Variants in CGAS observed in about 807,000 individuals in gnomAD.
The protein encoded by CGAS is cyclic GMP-AMP synthase.
In CGAS, 31 loss-of-function variants were observed where a neutral mutation model predicts 34.0. That is an observed-to-expected ratio of 0.91 (90% CI 0.69 to 1.23). The LOEUF is 1.23. CGAS is among the 50% of genes most tolerant of loss of function. CGAS has a pLI of 0.00. For missense variants in CGAS, 597 were observed against 657.6 expected, an observed-to-expected ratio of 0.91 and a Z score of 1.01; for synonymous variants, 266 against 260.0, an observed-to-expected ratio of 1.02 and a Z score of -0.22.
chr6:73,452,236 G>A lies in CGAS; in HGVS notation c.-55C>T. The A allele has an allele frequency of 6.5e-7, 1 of 1,528,324 alleles. No individual in the cohort carries two copies. Among genetic ancestry groups the A allele is most frequent in the Non-Finnish European group, 8.8e-7 (1 of 1,137,278 alleles). 94.7% of individuals were successfully genotyped at this position (1,528,324 alleles called of 1,614,324 possible). A position where few individuals can be genotyped will look rare whatever the true frequency, so the allele number is the denominator to read the frequency against. On this transcript the variant is annotated 5_prime_UTR_variant, in exon 1 of 5. Transcript: ENST00000370315. Reference sequence around the variant, plus strand: ...AATCCGTTTCAGGAAAAGGCCGCAAGAGGAAGAGCCAGCAGCAGCTGTTGG... The same window carrying A: ...AATCCGTTTCAGGAAAAGGCCGCAAAAGGAAGAGCCAGCAGCAGCTGTTGG...
chr6:73,433,347 G>A (rs997530067), intron 3 of CGAS, among the ~76,000 whole-genome samples: 1 of 149,908 alleles, frequency 6.7e-6, no homozygotes, highest in Admixed American at 6.7e-5. Context: ...CTGTAACCTC[G>A]AACTCCTGAG....
intron 3 of CGAS, among the ~76,000 whole-genome samples, chr6:73,429,782 C>T (rs923026476): frequency 3.3e-5 from 5 of 151,840 alleles, no homozygotes; most frequent in African/African-American, 4.8e-5. Context: ...GCGGAGATCG[C>T]GCCACTGCAC....
At chr6:73,447,042 C>T (rs894999410) in intron 1 of CGAS, among the ~76,000 whole-genome samples, 25 of 152,200 alleles carry the variant, frequency 1.6e-4, no homozygotes, top group African/African-American at 4.3e-4. Flanking sequence ...GGCGACAGTG[C>T]GAGACTCCGT....
At chr6:73,449,998 AAAAGAAG>A (rs1409368708) in intron 1 of CGAS, among the ~76,000 whole-genome samples, 1 of 151,956 alleles carries the variant, frequency 6.6e-6, no homozygotes, top group East Asian at 1.9e-4. Flanking sequence ...CTCCATCAAA[AAAAGAAG>A]AAAGAAGAAA....
At chr6:73,441,757 CA>C (rs1481098730) in intron 2 of CGAS, among the ~76,000 whole-genome samples, 1 of 152,188 alleles carries the variant, frequency 6.6e-6, no homozygotes, top group Non-Finnish European at 1.5e-5. Context: ...AAGACTTCCA[CA>C]GTGACGAAGT....
intron 3 of CGAS, among the ~76,000 whole-genome samples, chr6:73,433,635 C>T (rs1317592578): frequency 6.6e-6 from 1 of 151,942 alleles, no homozygotes; most frequent in Non-Finnish European, 1.5e-5. Flanking sequence ...ACTACAGGCA[C>T]GTGCCACCAT....
At chr6:73,443,615 A>T (rs1770420505) in intron 2 of CGAS, among the ~76,000 whole-genome samples, 1 of 152,106 alleles carries the variant, frequency 6.6e-6, no homozygotes. Context: ...CATCTCCCAC[A>T]TTCCTGATCC....
rs759020762 is a variant in CGAS at position 73,451,705 on chromosome 6, C to G, written c.477G>C (p.Ala159=). Residue 159 remains alanine (A), a synonymous_variant, in exon 1 of 5, where the codon GCG becomes GCC. Coordinates refer to ENST00000370315, the MANE Select transcript of CGAS (RefSeq NM_138441.3). The part of the protein sequence containing the change: ...SAPILVRRDA[A]PGASKLRAVL... ...CCGCCCGGAGCTTCGAGGCCCCAGG[C>G]GCCGCATCCCTCCGTACGAGAATGG... is the stretch of plus-strand genomic sequence containing the variant. The G allele has an allele frequency of 1.2e-6, 2 of 1,613,716 alleles. No individual in the cohort carries two copies. Among genetic ancestry groups the G allele is most frequent in the East Asian group, 2.2e-5 (1 of 44,874 alleles).
chr6:73,428,707 AC>A lies in CGAS; in HGVS notation c.1217+1del. 1 of 1,608,144 alleles carries A rather than the reference AC, an allele frequency of 6.2e-7. No individual in the cohort carries two copies. The highest frequency in any genetic ancestry group is 1.1e-5 in the South Asian group (1 of 89,960). On this transcript the variant is annotated splice_donor_variant, in intron 4 of 4. Coordinates refer to ENST00000370315, the MANE Select transcript of CGAS (RefSeq NM_138441.3). LOFTEE classifies it high-confidence loss of function. ...TGTCATTTAACAAAATAAGGCTGTT[AC>A]CTGCAACATTTCTCTTCTTTGTTTT...
At chr6:73,438,694 CA>C (rs67479262) in intron 3 of CGAS, among the ~76,000 whole-genome samples, 6,164 of 116,756 alleles carry the variant, frequency 0.053, 239 homozygotes, top group African/African-American at 0.13. Context: ...GAATCCGTCT[CA>C]AAAAAAAAAA....
At chr6:73,432,291 A>G (rs1770207218) in intron 3 of CGAS, among the ~76,000 whole-genome samples, 1 of 151,888 alleles carries the variant, frequency 6.6e-6, no homozygotes, top group Non-Finnish European at 1.5e-5. Context: ...CCTCCTGAGT[A>G]GCTGGGATTA....
chr6:73,432,447 C>T (rs1179421962), intron 3 of CGAS, among the ~76,000 whole-genome samples: 2 of 151,664 alleles, frequency 1.3e-5, no homozygotes, highest in Non-Finnish European at 2.9e-5. Context: ...AGGTGTGAGC[C>T]ACCGCTCCCA....
chr6:73,439,657 C>G (rs564760625), intron 3 of CGAS: 48 of 152,742 alleles, frequency 3.1e-4, no homozygotes, highest in African/African-American at 1.1e-3. Context: ...AGACACGCTG[C>G]ATAGGAGCAG....
chr6:73,428,636 T>A (rs571575411), intron 4 of CGAS, 73 bp downstream of exon 4: 1 of 1,380,534 alleles, frequency 7.2e-7, no homozygotes, highest in African/African-American at 1.4e-5. Context: ...GCTCTTCAGG[T>A]CTGAGGTGTG....
At chr6:73,448,632 T>G (rs1330251541) in intron 1 of CGAS, among the ~76,000 whole-genome samples, 1 of 152,158 alleles carries the variant, frequency 6.6e-6, no homozygotes, top group Non-Finnish European at 1.5e-5. Flanking sequence ...ACTACCTGTG[T>G]GTGCCACCAC....
chr6:73,432,198 G>A (rs1770206064), intron 3 of CGAS, among the ~76,000 whole-genome samples: 1 of 151,632 alleles, frequency 6.6e-6, no homozygotes, highest in Non-Finnish European at 1.5e-5. Context: ...GTCTCGCTCT[G>A]TTGCCCAGGC....
At position 73,428,708 on chromosome 6, in the gene CGAS, C is replaced by G. The variant is rs375699877; in HGVS notation, c.1217+1G>C. The G allele has an allele frequency of 1.9e-6, 3 of 1,608,216 alleles. No individual in the cohort carries two copies. The South Asian group carries it at 3.3e-5, about 18-fold the overall frequency. On this transcript the variant is annotated splice_donor_variant, in intron 4 of 4. Transcript: ENST00000370315. LOFTEE classifies it high-confidence loss of function. ...GTCATTTAACAAAATAAGGCTGTTACCTGCAACATTTCTCTTCTTTGTTTT... is the reference window on the plus strand; with the variant it reads ...GTCATTTAACAAAATAAGGCTGTTAGCTGCAACATTTCTCTTCTTTGTTTT...
intron 1 of CGAS, among the ~76,000 whole-genome samples, chr6:73,450,526 G>C (rs1274010435): frequency 2.0e-5 from 3 of 152,088 alleles, no homozygotes; most frequent in Admixed American, 6.6e-5. Context: ...ATTTACACAG[G>C]AATGATTAAT....
rs768147921 is a variant in CGAS, at chr6:73,452,019, T to C, written c.163A>G (p.Arg55Gly). The change falls in exon 1 of 5, where the codon AGG becomes GGG. Residue 55 changes from arginine (R) to glycine (G), a missense_variant. Arg to Gly is a moderately radical substitution (Grantham distance 125). This residue lies in a region of CGAS where 321 missense variants were observed against 314.3 expected (regional missense o/e 1.02). Transcript: ENST00000370315. ...TTTTTCTGCCGGGATCCCGACTTCC[T>C]GGCGGGGCCGAACTTTCCCGCCTTA... ...LPKAGKFGPA[R>G]KSGSRQKKSA... is the part of the protein sequence containing the mutation. The C allele has an allele frequency of 1.3e-6, 2 of 1,484,552 alleles. No individual in the cohort carries two copies. Among genetic ancestry groups the C allele is most frequent in the South Asian group, 2.7e-5 (2 of 75,016 alleles). 92.0% of individuals were successfully genotyped at this position (1,484,552 alleles called of 1,614,324 possible). A position where few individuals can be genotyped will look rare whatever the true frequency, so the allele number is the denominator to read the frequency against.
Sources: allele counts gnomAD v4.1 joint callset (sites outside exome capture counted in the v4.1 genomes callset), GRCh38; gene constraint gnomAD v4.1.1; regional missense constraint gnomAD v4.1.1; transcripts MANE v1.5; gene names NCBI Gene and HGNC (gene_info 2026-07-23, HGNC 2026-07-21).